TRPM8: variants seen among roughly 807,000 people sequenced by gnomAD.
TRPM8 encodes transient receptor potential cation channel subfamily M member 8, also known as TRPM8 cationic channel.
TRPM8 carries 110 observed loss-of-function variants against 133.7 expected under a neutral mutation model. The observed-to-expected ratio is 0.82, with a 90% CI of 0.70 to 0.96. TRPM8 has a LOEUF of 0.96. Ranked by LOEUF, TRPM8 falls within the 40% of genes least tolerant of loss-of-function variation. The pLI, the probability that TRPM8 is intolerant of heterozygous loss-of-function variation, is 0.00. For synonymous variants in TRPM8, 535 were observed against 532.3 expected, an observed-to-expected ratio of 1.01 and a Z score of -0.07; for missense variants, 1,291 against 1,379.5, an observed-to-expected ratio of 0.94 and a Z score of 1.02.
chr2:233,957,910 C>T (rs1026711782), intron 11 of TRPM8, among the ~76,000 whole-genome samples: 15 of 152,210 alleles, frequency 9.9e-5, no homozygotes, highest in African/African-American at 2.2e-4. Flanking sequence ...ATGGAGATGA[C>T]GATAATAGCA....
At chr2:233,996,792 C>T (rs1324215121) in intron 22 of TRPM8, among the ~76,000 whole-genome samples, 4 of 152,144 alleles carry the variant, frequency 2.6e-5, no homozygotes, top group South Asian at 2.1e-4. Context: ...GTATGTTGAA[C>T]GGGCAGAATT....
chr2:233,936,874 GTTTC>G (rs766499750), intron 3 of TRPM8, among the ~76,000 whole-genome samples: 10 of 146,486 alleles, frequency 6.8e-5, no homozygotes, highest in South Asian at 2.2e-4. Context: ...CATCAAACTA[GTTTC>G]TTTCTTTCTT....
chr2:234,001,109 C>G (rs749028309), intron 22 of TRPM8, among the ~76,000 whole-genome samples: 1 of 152,200 alleles, frequency 6.6e-6, no homozygotes, highest in Non-Finnish European at 1.5e-5. Context: ...TCACATTTCT[C>G]TCTGCATCCC....
At chr2:233,971,118 A>G (rs533472507) in intron 17 of TRPM8, among the ~76,000 whole-genome samples, 3 of 152,316 alleles carry the variant, frequency 2.0e-5, no homozygotes, top group Non-Finnish European at 2.9e-5. Context: ...TTGTTTGACA[A>G]CTACTGTTGT....
intron 1 of TRPM8, among the ~76,000 whole-genome samples, chr2:233,923,040 T>G (rs10172388): frequency 0.3 from 45,863 of 151,774 alleles, 12,261 homozygotes; most frequent in African/African-American, 0.71. Flanking sequence ...GCTAATTTTT[T>G]TTGTTGTTGT....
intron 4 of TRPM8, among the ~76,000 whole-genome samples, chr2:233,938,362 C>T (rs1354603576): frequency 2.6e-5 from 4 of 152,206 alleles, no homozygotes; most frequent in Non-Finnish European, 5.9e-5. Flanking sequence ...CTTCTGTGAA[C>T]CCTGAATATC....
At chr2:233,991,808 A>G (rs1403696845) in intron 21 of TRPM8, among the ~76,000 whole-genome samples, 2 of 152,084 alleles carry the variant, frequency 1.3e-5, no homozygotes, top group African/African-American at 4.8e-5. Context: ...TTCTTATTCA[A>G]AACTTTTCTG....
chr2:233,994,499 C>T (rs1441483859), intron 21 of TRPM8, among the ~76,000 whole-genome samples: 1 of 152,118 alleles, frequency 6.6e-6, no homozygotes, highest in African/African-American at 2.4e-5. Flanking sequence ...AACAGAAATC[C>T]TTTTCTTTTA....
At chr2:233,999,478 A>G (rs905071030) in intron 22 of TRPM8, among the ~76,000 whole-genome samples, 6 of 151,386 alleles carry the variant, frequency 4.0e-5, no homozygotes, top group Non-Finnish European at 7.4e-5. Flanking sequence ...CTGGGTGGGA[A>G]GGACAGCCTG....
intron 17 of TRPM8, among the ~76,000 whole-genome samples, chr2:233,976,869 T>G (rs2125256969): frequency 6.6e-6 from 1 of 152,196 alleles, no homozygotes; most frequent in South Asian, 2.1e-4. Flanking sequence ...ACACTTGGGG[T>G]CACTGTTTCT....
chr2:233,958,468 C>T (rs1248108616), intron 11 of TRPM8, among the ~76,000 whole-genome samples: 1 of 152,158 alleles, frequency 6.6e-6, no homozygotes, highest in Non-Finnish European at 1.5e-5. Context: ...AATCACCAGG[C>T]TCCACCTCAG....
intron 17 of TRPM8, 192 bp downstream of exon 17, chr2:233,970,618 A>G (rs1691690159): frequency 5.0e-6 from 3 of 604,282 alleles, no homozygotes; most frequent in Non-Finnish European, 8.8e-6. Context: ...AAGGTCTCCT[A>G]GTACCAAGTT....
intron 21 of TRPM8, among the ~76,000 whole-genome samples, chr2:233,993,604 A>C (rs1474243544): frequency 6.6e-6 from 1 of 152,202 alleles, no homozygotes; most frequent in Non-Finnish European, 1.5e-5. Context: ...CCCAAGTTGC[A>C]GTTTTCCAAT....
intron 6 of TRPM8, chr2:233,943,062 A>T: frequency 2.8e-6 from 1 of 352,992 alleles, no homozygotes. Flanking sequence ...AGCCAACTGC[A>T]GTATCTTTTT....
At chr2:233,999,408 T>C (rs1692492773) in intron 22 of TRPM8, among the ~76,000 whole-genome samples, 1 of 152,066 alleles carries the variant, frequency 6.6e-6, no homozygotes, top group East Asian at 1.9e-4. Flanking sequence ...CTGCGTTCTA[T>C]TGGTCCAAGC....
chr2:233,918,399 A>G (rs1281068536), intron 1 of TRPM8, among the ~76,000 whole-genome samples: 1 of 151,520 alleles, frequency 6.6e-6, no homozygotes, highest in African/African-American at 2.4e-5. Context: ...AATAATTATC[A>G]CTATCTTTGT....
intron 2 of TRPM8, among the ~76,000 whole-genome samples, chr2:233,927,247 T>C (rs1032197701): frequency 6.6e-6 from 1 of 152,156 alleles, no homozygotes; most frequent in Non-Finnish European, 1.5e-5. Flanking sequence ...AAAGTAGGAA[T>C]TGGTGGTGGG....
At position 233,955,238 on chromosome 2, in the gene TRPM8, C is replaced by G. The variant is rs200356940; in HGVS notation, c.1350C>G (p.Asp450Glu). Residue 450 changes from aspartate (D) to glutamate (E), a missense_variant, in exon 11 of 26, where the codon GAC becomes GAG. By Grantham distance (45) the Asp-to-Glu change is conservative (BLOSUM62 2). Coordinates refer to ENST00000324695, the MANE Select transcript of TRPM8 (RefSeq NM_024080.5). ...DLANDEIFTNDRRWESADLQE... is the reference protein window; with the variant it reads ...DLANDEIFTNERRWESADLQE... ...CCAATGATGAGATTTTCACCAATGACCGCCGATGGGAGGTAAGCACGAAGC... is the reference window on the plus strand; with the variant it reads ...CCAATGATGAGATTTTCACCAATGAGCGCCGATGGGAGGTAAGCACGAAGC... 6.2e-7 allele frequency: 1 copy of G among 1,613,748 alleles called. No homozygotes were observed. Among genetic ancestry groups the G allele is most frequent in the African/African-American group, 1.3e-5 (1 of 75,020 alleles).
Position 234,017,398 on chromosome 2 carries a change from G to A in TRPM8, c.*142G>A, listed in dbSNP as rs2125426084. The A allele has an allele frequency of 2.1e-6, 1 of 470,816 alleles. No individual in the cohort carries two copies. The highest frequency in any genetic ancestry group is 6.9e-5 in the East Asian group (1 of 14,394). 29.2% of individuals were successfully genotyped at this position (470,816 alleles called of 1,614,324 possible). ...TGGTGGATGATTTTAAATCACCCTA[G>A]TGTGCTGAGACCTTGAGAATAAAGT... is the stretch of plus-strand genomic sequence containing the variant. On this transcript the variant is annotated 3_prime_UTR_variant, in exon 26 of 26. Transcript: ENST00000324695.
Sources: gnomAD v4.1 joint callset for allele counts (sites outside exome capture counted in the v4.1 genomes callset) on GRCh38, gnomAD v4.1.1 for gene constraint, MANE v1.5 for transcripts, NCBI Gene and HGNC (gene_info 2026-07-23, HGNC 2026-07-21) for gene names.